DPH6: variants seen among roughly 807,000 people sequenced by gnomAD.
The protein encoded by DPH6 is diphthine--ammonia ligase.
DPH6 carries 33 observed loss-of-function variants against 38.2 expected under a neutral mutation model. That is an observed-to-expected ratio of 0.86 (90% CI 0.65 to 1.15). The LOEUF (loss-of-function observed/expected upper bound fraction) is 1.15. Ranked by LOEUF, DPH6 falls within the 50% of genes most tolerant of loss-of-function variation. DPH6 has a pLI of 0.00. For synonymous variants in DPH6, 108 were observed against 103.0 expected (o/e 1.05, Z -0.30); for missense variants, 325 against 320.0 (o/e 1.02, Z -0.12).
the DPH6 span, among the ~76,000 whole-genome samples, chr15:35,197,868 C>T: frequency 6.6e-6 from 1 of 152,070 alleles, no homozygotes; most frequent in Admixed American, 6.6e-5. Context: ...TATTAAGTCC[C>T]TAGGAATAGC....
intron 3 of DPH6, among the ~76,000 whole-genome samples, chr15:35,223,904 C>G (rs1379072669): frequency 6.6e-6 from 1 of 151,794 alleles, no homozygotes; most frequent in Non-Finnish European, 1.5e-5. Context: ...CTTAAAAATC[C>G]CCCACGCTCC....
chr15:35,300,908 T>C (rs932318910), intron 3 of DPH6, among the ~76,000 whole-genome samples: 2 of 152,198 alleles, frequency 1.3e-5, no homozygotes, highest in Non-Finnish European at 2.9e-5. Flanking sequence ...AGAGTGCCAC[T>C]AGGACAATTC....
chr15:35,293,595 G>A (rs1394111754), intron 3 of DPH6, among the ~76,000 whole-genome samples: 1 of 152,208 alleles, frequency 6.6e-6, no homozygotes, highest in African/African-American at 2.4e-5. Context: ...GTTGCAAGAG[G>A]TGAGTCATTG....
chr15:35,314,193 A>G (rs1043488314), intron 3 of DPH6, among the ~76,000 whole-genome samples: 5 of 152,230 alleles, frequency 3.3e-5, no homozygotes, highest in African/African-American at 9.6e-5. Context: ...ATATGAAAAA[A>G]TACTCAATAT....
the DPH6 span, among the ~76,000 whole-genome samples, chr15:35,204,347 A>T: frequency 6.6e-6 from 1 of 151,794 alleles, no homozygotes; most frequent in Admixed American, 6.6e-5. Context: ...GCGTCCTCTT[A>T]TTATTTCCCC....
chr15:35,501,014 T>C (rs1427559201), intron 3 of DPH6, among the ~76,000 whole-genome samples: 1 of 152,198 alleles, frequency 6.6e-6, no homozygotes, highest in East Asian at 1.9e-4. Flanking sequence ...GTGCTGGGAC[T>C]ACAGGCGTGA....
chr15:35,524,685 G>T (rs781719187), intron 3 of DPH6, among the ~76,000 whole-genome samples: 32 of 152,114 alleles, frequency 2.1e-4, no homozygotes, highest in Non-Finnish European at 4.0e-4. Context: ...GATAAAATTA[G>T]AATATATGTG....
At chr15:35,184,187 ATGTT>A in the DPH6 span, among the ~76,000 whole-genome samples, 1 of 152,152 alleles carries the variant, frequency 6.6e-6, no homozygotes, top group African/African-American at 2.4e-5. Context: ...CTGATGCTAT[ATGTT>A]TGTTTACTGT....
intron 3 of DPH6, among the ~76,000 whole-genome samples, chr15:35,364,744 G>A (rs1370057733): frequency 6.6e-6 from 1 of 150,964 alleles, no homozygotes; most frequent in Non-Finnish European, 1.5e-5. Flanking sequence ...ACCATCATGT[G>A]CCTGAATATC....
intron 7 of DPH6, among the ~76,000 whole-genome samples, chr15:35,380,501 T>C (rs1467297908): frequency 1.3e-5 from 2 of 152,194 alleles, no homozygotes; most frequent in Admixed American, 1.3e-4. Context: ...TTCTGGCAAA[T>C]AGAGAAAGTA....
chr15:35,195,079 C>A, the DPH6 span, among the ~76,000 whole-genome samples: 1 of 152,128 alleles, frequency 6.6e-6, no homozygotes, highest in East Asian at 1.9e-4. Flanking sequence ...TTCTCCACAC[C>A]CTTCCTGGCC....
intron 5 of DPH6, among the ~76,000 whole-genome samples, chr15:35,436,445 G>A (rs1472040522): frequency 1.4e-5 from 2 of 142,448 alleles, no homozygotes; most frequent in Non-Finnish European, 3.0e-5. Flanking sequence ...CAGCCTGGGA[G>A]ACAGAGTGAG....
At chr15:35,219,951 T>C (rs1014854405) in exon 4 of DPH6, 2 of 152,216 alleles carry the variant, frequency 1.3e-5, no homozygotes, top group African/African-American at 2.4e-5. Flanking sequence ...TAGAATCATA[T>C]GAGAAATCCA....
intron 7 of DPH6, among the ~76,000 whole-genome samples, chr15:35,377,901 G>A (rs1269597889): frequency 6.6e-6 from 1 of 150,796 alleles, no homozygotes; most frequent in Non-Finnish European, 1.5e-5. Context: ...ACAGGGTCTT[G>A]CAATGTTGCC....
chr15:35,195,340 C>T, the DPH6 span, among the ~76,000 whole-genome samples: 1 of 152,132 alleles, frequency 6.6e-6, no homozygotes, highest in Non-Finnish European at 1.5e-5. Flanking sequence ...GGTTGATTCC[C>T]TATTTTGGCT....
At chr15:35,527,571 G>A (rs773495426) in intron 3 of DPH6, among the ~76,000 whole-genome samples, 1 of 152,090 alleles carries the variant, frequency 6.6e-6, no homozygotes, top group Non-Finnish European at 1.5e-5. Flanking sequence ...TGTGACATGA[G>A]GGTTTAAGGA....
chr15:35,407,316 T>C (rs1045439401), intron 6 of DPH6, among the ~76,000 whole-genome samples: 6 of 151,896 alleles, frequency 4.0e-5, no homozygotes, highest in African/African-American at 1.4e-4. Context: ...TATAGCAAAT[T>C]GTAAACTCTT....
At chr15:35,170,264 C>T in the DPH6 span, among the ~76,000 whole-genome samples, 1 of 152,166 alleles carries the variant, frequency 6.6e-6, no homozygotes, top group Non-Finnish European at 1.5e-5. Flanking sequence ...AGCTTGACTT[C>T]CATGATGAGA....
intron 5 of DPH6, among the ~76,000 whole-genome samples, chr15:35,438,628 G>C (rs1308560290): frequency 6.6e-6 from 1 of 152,074 alleles, no homozygotes; most frequent in Non-Finnish European, 1.5e-5. Flanking sequence ...ATCTGCTTCT[G>C]TTTGTCTGTG....
Sources: allele counts gnomAD v4.1 joint callset (sites outside exome capture counted in the v4.1 genomes callset), GRCh38; gene constraint gnomAD v4.1.1; transcripts MANE v1.5; gene names NCBI Gene and HGNC (gene_info 2026-07-23, HGNC 2026-07-21).